ADGRV1: variants seen among roughly 807,000 people sequenced by gnomAD.
The protein encoded by ADGRV1 is G-protein coupled receptor 98.
A neutral mutation model predicts 596.2 loss-of-function variants in ADGRV1; 359 were observed. The observed-to-expected ratio is 0.60, with a 90% confidence interval of 0.55 to 0.66. The LOEUF is 0.66. Ranked by LOEUF, ADGRV1 falls within the 30% of genes least tolerant of loss-of-function variation. The pLI is 0.00. For missense variants in ADGRV1, 7,274 were observed against 7,575.6 expected, an observed-to-expected ratio of 0.96 and a Z score of 1.48; for synonymous variants, 2,681 against 2,679.2, an observed-to-expected ratio of 1.00 and a Z score of -0.02.
In ADGRV1 at chr5:90,810,982, C is replaced by T. The variant is rs1280669852; in HGVS notation, c.15722C>T (p.Ala5241Val). Residue 5241 changes from alanine (A) to valine (V), a missense_variant, in exon 74 of 90, where the codon GCA becomes GTA. Physicochemically the swap from Ala to Val is moderately conservative, Grantham distance 64. This residue lies in a region of ADGRV1 where 1,874 missense variants were observed against 1,970.2 expected (regional missense o/e 0.95). Transcript: ENST00000405460. ...ATGAAGAATGGCACATTCAACACTGCAGAAGTTCTTATCCGAAGAACTGGT... is the reference window on the plus strand; with the variant it reads ...ATGAAGAATGGCACATTCAACACTGTAGAAGTTCTTATCCGAAGAACTGGT... ...EEMKNGTFNT[A>V]EVLIRRTGGF... 1.2e-6 allele frequency: 2 copies of T among 1,614,012 alleles called. No individual in the cohort carries two copies. The highest frequency in any genetic ancestry group is 2.2e-5 in the South Asian group (2 of 91,086).
intron 85 of ADGRV1, among the ~76,000 whole-genome samples, chr5:91,057,700 A>G (rs141855550): frequency 1.6e-4 from 24 of 152,162 alleles, no homozygotes; most frequent in African/African-American, 5.3e-4. Flanking sequence ...TTTTTTTTGG[A>G]TGGGGAAAGG....
intron 1 of ADGRV1, among the ~76,000 whole-genome samples, chr5:90,595,284 G>A (rs1230026665): frequency 3.4e-5 from 2 of 58,454 alleles, no homozygotes; most frequent in Non-Finnish European, 6.5e-5. Context: ...CAGTAGGGGC[G>A]GCCGGGCAGA....
At chr5:90,988,639 ATTTC>A (rs1780694951) in intron 85 of ADGRV1, among the ~76,000 whole-genome samples, 1 of 151,564 alleles carries the variant, frequency 6.6e-6, no homozygotes, top group African/African-American at 2.4e-5. Context: ...ACACACAGCT[ATTTC>A]TTTTTTTTTT....
At chr5:90,817,719 G>A (rs1403363770) in intron 75 of ADGRV1, among the ~76,000 whole-genome samples, 2 of 152,140 alleles carry the variant, frequency 1.3e-5, no homozygotes, top group Admixed American at 1.3e-4. Context: ...AGATCAGATA[G>A]TTGTAGATAT....
chr5:90,753,421 A>G lies in ADGRV1; in HGVS notation c.11122-153A>G, dbSNP rs2438339. 0.77 allele frequency among the ~76,000 whole-genome samples: 116,396 copies of G among 151,968 alleles called. 45,321 individuals carry two copies. The highest frequency in any genetic ancestry group is 0.9 in the African/African-American group (37,426 of 41,506). On this transcript the variant is annotated intron_variant, in intron 53 of 89. Transcript: ENST00000405460. ...TAACAATCTTCCATTAATATGAAAG[A>G]CATCTGATTTGTAGAATCATATTAT...
chr5:91,149,122 T>C (rs1795803443), intron 87 of ADGRV1, among the ~76,000 whole-genome samples: 1 of 152,176 alleles, frequency 6.6e-6, no homozygotes, highest in South Asian at 2.1e-4. Flanking sequence ...ACTTTGGAGT[T>C]GGACTTTTGG....
chr5:90,634,155 T>C (rs1181444119), intron 9 of ADGRV1, among the ~76,000 whole-genome samples: 1 of 152,236 alleles, frequency 6.6e-6, no homozygotes, highest in Non-Finnish European at 1.5e-5. Flanking sequence ...TACCTATTCC[T>C]GCATTCCTGA....
intron 39 of ADGRV1, among the ~76,000 whole-genome samples, chr5:90,710,532 T>C (rs1475973363): frequency 6.6e-6 from 1 of 152,232 alleles, no homozygotes; most frequent in African/African-American, 2.4e-5. Context: ...CATGTCTCTC[T>C]GTGTCTCTTT....
chr5:91,108,024 A>G (rs1792042092), intron 87 of ADGRV1, among the ~76,000 whole-genome samples: 1 of 152,210 alleles, frequency 6.6e-6, no homozygotes, highest in South Asian at 2.1e-4. Flanking sequence ...AGCTTAATTC[A>G]ATCCAGGTGA....
At chr5:91,145,909 A>G (rs1265367387) in intron 87 of ADGRV1, among the ~76,000 whole-genome samples, 2 of 152,166 alleles carry the variant, frequency 1.3e-5, no homozygotes, top group East Asian at 3.8e-4. Context: ...CTCTAATTTC[A>G]CTTTTATAAA....
At chr5:90,893,957 A>G (rs1015493210) in intron 83 of ADGRV1, among the ~76,000 whole-genome samples, 4 of 152,228 alleles carry the variant, frequency 2.6e-5, no homozygotes, top group Admixed American at 6.5e-5. Context: ...ATTGGGAAAC[A>G]TAAAGAGGAT....
At position 91,136,592 on chromosome 5, in the gene ADGRV1, C is replaced by T. The variant is rs557559410; in HGVS notation, c.18433-13438C>T. Among the ~76,000 whole-genome samples, 7 of 152,274 alleles carry T rather than the reference C, an allele frequency of 4.6e-5. No individual in the cohort carries two copies. The South Asian group carries it at 1.4e-3, about 32-fold the overall frequency. ...CTTTTAGTAGTAAAAACAACAATAT[C>T]ACCTTTCTTTATAAATTTGATCTAC... On this transcript the variant is annotated intron_variant, in intron 87 of 89. Transcript: ENST00000405460.
intron 79 of ADGRV1, among the ~76,000 whole-genome samples, chr5:90,849,576 G>C (rs907833467): frequency 6.6e-6 from 1 of 151,950 alleles, no homozygotes; most frequent in Non-Finnish European, 1.5e-5. Flanking sequence ...TTTTTGTAGA[G>C]ATAGAATTTC....
At chr5:90,617,707 G>A (rs902946678) in intron 2 of ADGRV1, 97 bp from the exon 3 acceptor site, 2 of 1,018,278 alleles carry the variant, frequency 2.0e-6, no homozygotes, top group African/African-American at 3.3e-5. Context: ...AATGTCACTT[G>A]ATTTATGCTT....
chr5:90,786,429 A>G (rs1759459205), intron 67 of ADGRV1, among the ~76,000 whole-genome samples: 1 of 152,206 alleles, frequency 6.6e-6, no homozygotes, highest in South Asian at 2.1e-4. Flanking sequence ...TCTAAGTGCA[A>G]ATAGGATGCC....
intron 1 of ADGRV1, among the ~76,000 whole-genome samples, chr5:90,599,462 A>G (rs998302206): frequency 6.6e-6 from 1 of 152,184 alleles, no homozygotes; most frequent in East Asian, 1.9e-4. Flanking sequence ...TTTACCCTGG[A>G]GTTAGTGTTA....
intron 83 of ADGRV1, among the ~76,000 whole-genome samples, chr5:90,916,431 T>G (rs1187638538): frequency 6.6e-6 from 1 of 152,126 alleles, no homozygotes; most frequent in African/African-American, 2.4e-5. Flanking sequence ...CTAGATCAAT[T>G]GATTAGGCCT....
intron 60 of ADGRV1, among the ~76,000 whole-genome samples, chr5:90,775,819 G>T (rs1030155819): frequency 6.6e-6 from 1 of 152,102 alleles, no homozygotes; most frequent in East Asian, 1.9e-4. Flanking sequence ...GCTGTGACAA[G>T]CCACTCTTGA....
At chr5:91,133,463 T>A (rs1794382753) in intron 87 of ADGRV1, among the ~76,000 whole-genome samples, 1 of 152,244 alleles carries the variant, frequency 6.6e-6, no homozygotes, top group South Asian at 2.1e-4. Context: ...TACTCACTGC[T>A]GAAATAGAAG....
Sources: allele counts gnomAD v4.1 joint callset (sites outside exome capture counted in the v4.1 genomes callset), GRCh38; gene constraint gnomAD v4.1.1; regional missense constraint gnomAD v4.1.1; transcripts MANE v1.5; gene names NCBI Gene and HGNC (gene_info 2026-07-23, HGNC 2026-07-21).